Variants in PATL2 observed in about 807,000 individuals in gnomAD.
PATL2 encodes protein PAT1 homolog 2.
Under a neutral mutation model 77.0 loss-of-function variants are expected in PATL2, and 73 were observed. That is an observed-to-expected ratio of 0.95 (90% CI 0.78 to 1.15). The LOEUF is 1.15. Among genes scored for constraint, PATL2 ranks in the 50% most tolerant of loss-of-function variants. PATL2 has a pLI of 0.00. For missense variants in PATL2, 618 were observed against 655.4 expected (o/e 0.94, Z 0.62); for synonymous variants, 265 against 257.1 (o/e 1.03, Z -0.29).
chr15:44,685,537 G>A (rs1464377443), intron 3 of PATL2, among the ~76,000 whole-genome samples: 14 of 152,206 alleles, frequency 9.2e-5, no homozygotes, highest in East Asian at 1.9e-4. Context: ...GAACCCAGGA[G>A]GCAGAGGTTG....
intron 3 of PATL2, among the ~76,000 whole-genome samples, chr15:44,683,932 G>C (rs1431258378): frequency 1.3e-5 from 2 of 152,104 alleles, no homozygotes; most frequent in Non-Finnish European, 2.9e-5. Flanking sequence ...TGCAGTCTCC[G>C]CTGGTGATAC....
At chr15:44,698,723 T>G (rs1166513242) in intron 3 of PATL2, among the ~76,000 whole-genome samples, 3 of 152,266 alleles carry the variant, frequency 2.0e-5, no homozygotes, top group Non-Finnish European at 4.4e-5. Flanking sequence ...GATATCTCTT[T>G]GATATACTGA....
At chr15:44,688,526 A>T (rs770003267) in intron 3 of PATL2, among the ~76,000 whole-genome samples, 1 of 152,152 alleles carries the variant, frequency 6.6e-6, no homozygotes, top group Non-Finnish European at 1.5e-5. Flanking sequence ...CGACCAATGG[A>T]ACTGAACAGA....
Position 44,669,084 on chromosome 15 carries a change from C to T in PATL2, c.1120G>A (p.Val374Met), listed in dbSNP as rs763561148. 2.6e-6 allele frequency: 4 copies of T among 1,550,618 alleles called. No individual in the cohort carries two copies. The highest frequency in any genetic ancestry group is 3.5e-6 in the Non-Finnish European group (4 of 1,146,484). ...GGCAGGAAGGGGAGCAGCCGGGCCA[C>T]CAGGGCCTTCCCCTTCCTCACAGAG... ...VLSVRKGKAL[V>M]ARLLPFLPQD... Residue 374 changes from valine (V) to methionine (M), a missense_variant, in exon 14 of 18, where the codon GTG becomes ATG. Val to Met is a conservative substitution (Grantham distance 21). Transcript: ENST00000682850.
chr15:44,694,992 C>G (rs980678238), intron 3 of PATL2, among the ~76,000 whole-genome samples: 1 of 152,084 alleles, frequency 6.6e-6, no homozygotes, highest in African/African-American at 2.4e-5. Context: ...GGGACACCAT[C>G]CTGGCCAACA....
At chr15:44,705,292 C>A (rs2086710808) in intron 3 of PATL2, among the ~76,000 whole-genome samples, 1 of 152,090 alleles carries the variant, frequency 6.6e-6, no homozygotes, top group Admixed American at 6.5e-5. Context: ...AAGCAATTCT[C>A]CTGCCTCAGC....
chr15:44,681,667 C>T (rs1437651439), intron 3 of PATL2, among the ~76,000 whole-genome samples: 3 of 152,188 alleles, frequency 2.0e-5, no homozygotes, highest in African/African-American at 4.8e-5. Flanking sequence ...GCTTTTATCA[C>T]ATCCTCAAAG....
intron 9 of PATL2, among the ~76,000 whole-genome samples, chr15:44,670,927 G>A (rs868808241): frequency 6.6e-6 from 1 of 152,234 alleles, no homozygotes; most frequent in Non-Finnish European, 1.5e-5. Context: ...TACTTCTGTG[G>A]ATTTGCTCAG....
At chr15:44,698,872 G>T (rs971731416) in intron 3 of PATL2, among the ~76,000 whole-genome samples, 3 of 152,140 alleles carry the variant, frequency 2.0e-5, no homozygotes, top group African/African-American at 7.2e-5. Context: ...AGTGTATGAA[G>T]GTTCCCCTTT....
At chr15:44,695,753 T>C (rs562934061) in intron 3 of PATL2, among the ~76,000 whole-genome samples, 2 of 152,244 alleles carry the variant, frequency 1.3e-5, no homozygotes, top group Non-Finnish European at 2.9e-5. Context: ...CCTGTGGACA[T>C]ACCTGGTCCT....
intron 9 of PATL2, among the ~76,000 whole-genome samples, chr15:44,670,906 G>C (rs2085640545): frequency 6.6e-6 from 1 of 152,226 alleles, no homozygotes; most frequent in Admixed American, 6.5e-5. Flanking sequence ...TTGCCCTCTA[G>C]GCCAGTTTTA....
At chr15:44,696,628 C>T (rs531149035) in intron 3 of PATL2, among the ~76,000 whole-genome samples, 3 of 152,200 alleles carry the variant, frequency 2.0e-5, no homozygotes, top group East Asian at 1.9e-4. Flanking sequence ...CTTTCATTCT[C>T]CCCCAAATAA....
intron 3 of PATL2, among the ~76,000 whole-genome samples, chr15:44,679,555 T>C (rs2086084830): frequency 7.4e-6 from 1 of 134,564 alleles, no homozygotes; most frequent in Non-Finnish European, 1.5e-5. Context: ...TCTTTTTCTT[T>C]TTTTTTTTTT....
At chr15:44,673,627 A>G (rs574321873) in intron 6 of PATL2, among the ~76,000 whole-genome samples, 5 of 152,180 alleles carry the variant, frequency 3.3e-5, no homozygotes, top group African/African-American at 1.2e-4. Flanking sequence ...TTTTCCTACC[A>G]TTTGGAAAGT....
chr15:44,676,694 AC>A (rs2085974896), intron 3 of PATL2, 129 bp from the exon 4 acceptor site: 3 of 1,187,058 alleles, frequency 2.5e-6, no homozygotes, highest in Non-Finnish European at 3.4e-6. Context: ...GAGGAGAGAG[AC>A]CCTGGGGTCT....
intron 9 of PATL2, among the ~76,000 whole-genome samples, chr15:44,671,601 A>G (rs978531219): frequency 1.3e-5 from 2 of 152,218 alleles, no homozygotes; most frequent in Non-Finnish European, 2.9e-5. Context: ...GAGTAAAAAT[A>G]TCTGCTGTCG....
At chr15:44,669,472 T>C in intron 12 of PATL2, 38 bp downstream of exon 12, 1 of 1,549,216 alleles carries the variant, frequency 6.5e-7, no homozygotes. Flanking sequence ...TTCTCAAAGG[T>C]AGGTTTGGAA....
At chr15:44,691,345 C>G (rs2086386613) in intron 3 of PATL2, among the ~76,000 whole-genome samples, 2 of 152,178 alleles carry the variant, frequency 1.3e-5, no homozygotes, top group Middle Eastern at 6.8e-3. Context: ...AGAGAAACTT[C>G]TAGGCAGGAG....
chr15:44,673,007 A>G (rs1005970802), intron 7 of PATL2, among the ~76,000 whole-genome samples: 26 of 152,208 alleles, frequency 1.7e-4, no homozygotes, highest in Admixed American at 3.9e-4. Context: ...TGATCCTCCC[A>G]CCTTGGCCTC....
Sources: gnomAD v4.1 joint callset for allele counts (sites outside exome capture counted in the v4.1 genomes callset) on GRCh38, gnomAD v4.1.1 for gene constraint, MANE v1.5 for transcripts, NCBI Gene and HGNC (gene_info 2026-07-23, HGNC 2026-07-21) for gene names.